The following SKIC3 variants were observed in gnomAD, a reference collection of about 807,000 sequenced individuals.
The protein encoded by SKIC3 is SKI3 subunit of superkiller complex.
At chr5:95,504,024 T>A in the SKIC3 span, 1 of 1,397,202 alleles carries the variant, frequency 7.2e-7, no homozygotes, top group Non-Finnish European at 9.6e-7. Context: ...TTACACTAAG[T>A]TGGGCCGGAC....
At chr5:95,505,017 A>T in the SKIC3 span, among the ~76,000 whole-genome samples, 1 of 152,072 alleles carries the variant, frequency 6.6e-6, no homozygotes, top group Non-Finnish European at 1.5e-5. Context: ...AAAAAAAAAG[A>T]GGGAGGAAAA....
chr5:95,544,611 C>T, the SKIC3 span, among the ~76,000 whole-genome samples: 1 of 152,082 alleles, frequency 6.6e-6, no homozygotes, highest in African/African-American at 2.4e-5. Context: ...GATGTAACTA[C>T]CAAAGTTAAG....
At chr5:95,529,691 T>C in the SKIC3 span, among the ~76,000 whole-genome samples, 1 of 152,274 alleles carries the variant, frequency 6.6e-6, no homozygotes, top group Non-Finnish European at 1.5e-5. Context: ...ATGTAGGTTC[T>C]TCCAGAAACA....
chr5:95,514,389 G>A, the SKIC3 span, among the ~76,000 whole-genome samples: 1 of 152,116 alleles, frequency 6.6e-6, no homozygotes, highest in African/African-American at 2.4e-5. Flanking sequence ...ATCTGAATTT[G>A]GGGGAGGAAA....
chr5:95,520,301 C>A, the SKIC3 span, among the ~76,000 whole-genome samples: 1 of 151,546 alleles, frequency 6.6e-6, no homozygotes, highest in Non-Finnish European at 1.5e-5. Flanking sequence ...ACCTTCAAGA[C>A]CTACTAATAA....
chr5:95,545,515 C>G, the SKIC3 span, among the ~76,000 whole-genome samples: 1 of 152,166 alleles, frequency 6.6e-6, no homozygotes, highest in African/African-American at 2.4e-5. Flanking sequence ...ATATTTTTAA[C>G]CTTTCTTTTA....
the SKIC3 span, among the ~76,000 whole-genome samples, chr5:95,536,266 T>C: frequency 5.5e-4 from 84 of 152,348 alleles, no homozygotes; most frequent in South Asian, 3.7e-3. Flanking sequence ...AGGAATTTAA[T>C]TACTTTATAA....
chr5:95,543,109 T>C, the SKIC3 span: 25 of 1,545,032 alleles, frequency 1.6e-5, no homozygotes, highest in Non-Finnish European at 2.1e-5. Context: ...CTTAGTTTAA[T>C]GTTGAAACCT....
chr5:95,546,615 C>T, the SKIC3 span, among the ~76,000 whole-genome samples: 2 of 152,166 alleles, frequency 1.3e-5, no homozygotes, highest in Admixed American at 1.3e-4. Context: ...CTACTGATGA[C>T]TTCACTCCTA....
At chr5:95,520,965 A>T in the SKIC3 span, 1 of 635,466 alleles carries the variant, frequency 1.6e-6, no homozygotes, top group Non-Finnish European at 2.8e-6. Flanking sequence ...TTAAAGCATG[A>T]TCCTACATTC....
chr5:95,495,126 T>C, the SKIC3 span: 1 of 1,037,364 alleles, frequency 9.6e-7, no homozygotes, highest in Non-Finnish European at 1.5e-6. Context: ...GGTTCAGTTT[T>C]ACCACATTCA....
At chr5:95,535,265 G>A in the SKIC3 span, among the ~76,000 whole-genome samples, 1 of 151,344 alleles carries the variant, frequency 6.6e-6, no homozygotes, top group Non-Finnish European at 1.5e-5. Context: ...GTAAGGCAAA[G>A]GGCATCTGCT....
At chr5:95,552,235 C>T in the SKIC3 span, among the ~76,000 whole-genome samples, 1 of 152,206 alleles carries the variant, frequency 6.6e-6, no homozygotes, top group East Asian at 1.9e-4. Flanking sequence ...AACATGAGTA[C>T]CCTCTTCATA....
At chr5:95,513,355 C>T in the SKIC3 span, 1 of 515,082 alleles carries the variant, frequency 1.9e-6, no homozygotes, top group East Asian at 3.6e-5. Context: ...AGGTATACAC[C>T]ATCATACCTG....
chr5:95,516,186 T>C, the SKIC3 span, among the ~76,000 whole-genome samples: 18 of 152,176 alleles, frequency 1.2e-4, no homozygotes, highest in Admixed American at 2.0e-4. Context: ...TACACATTAA[T>C]TATTCGACAT....
chr5:95,513,667 CTCTT>C, the SKIC3 span: 1 of 1,602,552 alleles, frequency 6.2e-7, no homozygotes. Flanking sequence ...AAAAAACAGA[CTCTT>C]AATGTGTTTA....
the SKIC3 span, among the ~76,000 whole-genome samples, chr5:95,487,154 T>C: frequency 6.6e-6 from 1 of 152,062 alleles, no homozygotes; most frequent in Non-Finnish European, 1.5e-5. Context: ...TACATCTTTC[T>C]CCCATGCTGG....
At chr5:95,518,850 G>A in the SKIC3 span, among the ~76,000 whole-genome samples, 1 of 151,914 alleles carries the variant, frequency 6.6e-6, no homozygotes, top group African/African-American at 2.4e-5. Context: ...TGGATCATAC[G>A]GTAGTTCTAT....
At chr5:95,504,915 G>C in the SKIC3 span, among the ~76,000 whole-genome samples, 2 of 152,038 alleles carry the variant, frequency 1.3e-5, no homozygotes, top group South Asian at 4.1e-4. Context: ...TGAGGCAGGA[G>C]AATCACTTGA....
Sources: allele counts gnomAD v4.1 joint callset (sites outside exome capture counted in the v4.1 genomes callset), GRCh38; gene constraint gnomAD v4.1.1; transcripts MANE v1.5; gene names NCBI Gene and HGNC (gene_info 2026-07-23, HGNC 2026-07-21).